The following EMID1 variants were observed in gnomAD, a reference collection of about 807,000 sequenced individuals.
EMID1 encodes the protein EMI domain-containing protein 1.
A neutral mutation model predicts 60.6 loss-of-function variants in EMID1; 40 were observed. The observed-to-expected ratio is 0.66, with a 90% confidence interval of 0.51 to 0.86. The LOEUF (loss-of-function observed/expected upper bound fraction) is 0.86, where lower values mean the gene tolerates loss of function less well. EMID1 is among the 40% of genes least tolerant of loss of function. The pLI, the probability that EMID1 is intolerant of heterozygous loss-of-function variation, is 0.00. For missense variants in EMID1, 585 were observed against 597.1 expected (o/e 0.98, Z 0.21); for synonymous variants, 242 against 231.0 (o/e 1.05, Z -0.43).
intron 13 of EMID1, among the ~76,000 whole-genome samples, chr22:29,244,051 A>G (rs1280393517): frequency 6.6e-6 from 1 of 152,178 alleles, no homozygotes; most frequent in African/African-American, 2.4e-5. Context: ...ACGCCTCGAA[A>G]CTGCTATGTA....
intron 12 of EMID1, among the ~76,000 whole-genome samples, chr22:29,241,035 C>T (rs1407868369): frequency 6.6e-6 from 1 of 152,156 alleles, no homozygotes; most frequent in Non-Finnish European, 1.5e-5. Context: ...GGGCATTTTT[C>T]TCTGATATTC....
intron 13 of EMID1, among the ~76,000 whole-genome samples, chr22:29,245,678 A>G (rs1424824008): frequency 6.6e-6 from 1 of 152,214 alleles, no homozygotes; most frequent in Non-Finnish European, 1.5e-5. Context: ...CCCTTAGTGC[A>G]GCTTGCAGAT....
At chr22:29,248,243 G>A (rs928792560) in intron 13 of EMID1, among the ~76,000 whole-genome samples, 4 of 147,626 alleles carry the variant, frequency 2.7e-5, no homozygotes, top group Admixed American at 1.4e-4. Flanking sequence ...CCAGGTGTGA[G>A]ACACTGTGCC....
intron 1 of EMID1, among the ~76,000 whole-genome samples, chr22:29,212,438 T>C (rs955498374): frequency 3.9e-5 from 6 of 152,114 alleles, no homozygotes; most frequent in Non-Finnish European, 7.4e-5. Flanking sequence ...GAAACATTTC[T>C]AGCCTAGGGT....
rs2041083616 is a variant in EMID1 at position 29,239,670 on chromosome 22, CA to C, written c.1075-3771del. ...TGGAAGGTAGACATAATGTACTGTG[CA>C]AAAGAACTGCAGTAGATAGGCCTTT... is the stretch of plus-strand genomic sequence containing the variant. On this transcript the variant is annotated intron_variant, in intron 12 of 14. Transcript: ENST00000334018. Among the ~76,000 whole-genome samples, 5 of 151,974 alleles carry C rather than the reference CA, an allele frequency of 3.3e-5. No individual in the cohort carries two copies. In the South Asian group the frequency reaches 1.0e-3, roughly 32 times the overall value.
intron 13 of EMID1, among the ~76,000 whole-genome samples, chr22:29,249,933 G>C (rs945494178): frequency 6.6e-6 from 1 of 152,016 alleles, no homozygotes; most frequent in African/African-American, 2.4e-5. Flanking sequence ...GCCTTTTAAA[G>C]CTCTTTTTTT....
chr22:29,216,847 G>A (rs1181826572), intron 3 of EMID1, among the ~76,000 whole-genome samples: 2 of 152,238 alleles, frequency 1.3e-5, no homozygotes, highest in Non-Finnish European at 2.9e-5. Context: ...GGAAGAAACC[G>A]GGTGGCTAGA....
chr22:29,239,176 C>T lies in EMID1; in HGVS notation c.1075-4269C>T, dbSNP rs1281068327. Among the ~76,000 whole-genome samples the T allele has an allele frequency of 7.6e-5, 11 of 145,026 alleles. No individual in the cohort carries two copies. The East Asian group carries it at 2.2e-3, about 29-fold the overall frequency. ...TCATCAGGCTTAGAGATTCTTTCCT[C>T]AGCCATGTCCAGTCCACGAATAAGC... On this transcript the variant is annotated intron_variant, in intron 12 of 14. Coordinates refer to ENST00000334018, the MANE Select transcript of EMID1 (RefSeq NM_133455.4).
intron 5 of EMID1, 90 bp from the exon 6 acceptor site, chr22:29,230,930 G>A: frequency 6.6e-7 from 1 of 1,511,390 alleles, no homozygotes; most frequent in South Asian, 1.3e-5. Flanking sequence ...ATTCTAGCCT[G>A]GGCAACAGAG....
At chr22:29,258,576 C>A (rs2041789624) in intron 14 of EMID1, among the ~76,000 whole-genome samples, 1 of 152,220 alleles carries the variant, frequency 6.6e-6, no homozygotes, top group African/African-American at 2.4e-5. Context: ...GTTATCCCCA[C>A]CTGACAAAGC....
chr22:29,223,548 A>G (rs1288261711), intron 3 of EMID1, among the ~76,000 whole-genome samples: 1 of 152,126 alleles, frequency 6.6e-6, no homozygotes. Context: ...GGTGCCCCCC[A>G]CCTCCACCAA....
intron 2 of EMID1, chr22:29,215,273 G>A (rs2146145214): frequency 1.0e-6 from 1 of 985,436 alleles, no homozygotes. Context: ...TACTCAGTGA[G>A]TATTCACGCT....
chr22:29,234,583 T>C (rs2040875308), intron 12 of EMID1, among the ~76,000 whole-genome samples: 1 of 152,208 alleles, frequency 6.6e-6, no homozygotes, highest in South Asian at 2.1e-4. Flanking sequence ...TACGTCTGTC[T>C]CTTTGACTCT....
At position 29,234,211 on chromosome 22, in the gene EMID1, G is replaced by C; in HGVS notation, c.1029+12G>C. The C allele has an allele frequency of 6.2e-7, 1 of 1,606,964 alleles. No individual in the cohort carries two copies. The highest frequency in any genetic ancestry group is 2.2e-5 in the East Asian group (1 of 44,662). ...AGAAGGGCGAGAGAGTGAGTACCCA[G>C]GTGGCCCCAGGTGGGGGAATTCTGG... On this transcript the variant is annotated intron_variant, in intron 11 of 14. Transcript: ENST00000334018.
chr22:29,215,363 G>C, intron 2 of EMID1, 164 bp from the exon 3 acceptor site: 4 of 879,006 alleles, frequency 4.6e-6, no homozygotes, highest in Non-Finnish European at 5.5e-6. Flanking sequence ...AGGTGGTGGG[G>C]GGATGGAAGG....
intron 14 of EMID1, chr22:29,255,489 C>A: frequency 1.4e-6 from 1 of 708,036 alleles, no homozygotes; most frequent in Non-Finnish European, 2.2e-6. Flanking sequence ...TCCAGCCAGC[C>A]AGCCAGCAAA....
intron 3 of EMID1, among the ~76,000 whole-genome samples, chr22:29,221,080 TGTG>T (rs2040275851): frequency 1.4e-5 from 1 of 69,426 alleles, no homozygotes; most frequent in African/African-American, 7.8e-5. Flanking sequence ...TGTGTGTGTG[TGTG>T]TGTGTGTGTG....
rs1029094104 is a variant in EMID1, at chr22:29,216,381, C to A, written c.319+751C>A. 1.4e-5 allele frequency: 14 copies of A among 985,322 alleles called. No individual in the cohort carries two copies. The African/African-American group carries it at 2.4e-4, about 17-fold the overall frequency. The allele number at this position is 985,322 out of a possible 1,614,324, so 61.0% of individuals were successfully genotyped here. ...TCCCATCCTCACTGCCTGGCTGAAC[C>A]CATGAGCAGCAGATTTTTGGACACC... is the stretch of plus-strand genomic sequence containing the variant. On this transcript the variant is annotated intron_variant, in intron 3 of 14. Coordinates refer to ENST00000334018, the MANE Select transcript of EMID1 (RefSeq NM_133455.4).
intron 3 of EMID1, among the ~76,000 whole-genome samples, chr22:29,217,325 G>T (rs1185381786): frequency 6.6e-6 from 1 of 152,262 alleles, no homozygotes; most frequent in Admixed American, 6.5e-5. Flanking sequence ...GCAGGGGCAT[G>T]AGCCAGGCAA....
Sources: allele counts gnomAD v4.1 joint callset (sites outside exome capture counted in the v4.1 genomes callset), GRCh38; gene constraint gnomAD v4.1.1; transcripts MANE v1.5; gene names NCBI Gene and HGNC (gene_info 2026-07-23, HGNC 2026-07-21).